The following IMMP2L variants were observed in gnomAD, a reference collection of about 807,000 sequenced individuals.
The protein encoded by IMMP2L is mitochondrial inner membrane protease subunit 2.
In IMMP2L, 18 loss-of-function variants were observed where a neutral mutation model predicts 19.3. That is an observed-to-expected ratio of 0.93 (90% CI 0.64 to 1.38). The LOEUF (loss-of-function observed/expected upper bound fraction) is 1.38, where lower values mean the gene tolerates loss of function less well. Ranked by LOEUF, IMMP2L falls within the 40% of genes most tolerant of loss-of-function variation. The pLI is 0.00. For synonymous variants in IMMP2L, 76 were observed against 73.0 expected, an observed-to-expected ratio of 1.04 and a Z score of -0.21; for missense variants, 233 against 218.2, an observed-to-expected ratio of 1.07 and a Z score of -0.43.
intron 5 of IMMP2L, among the ~76,000 whole-genome samples, chr7:110,814,008 G>A (rs1464233613): frequency 2.0e-5 from 3 of 151,776 alleles, no homozygotes; most frequent in African/African-American, 7.3e-5. Flanking sequence ...TTTTTTTAAC[G>A]CTTATGAGTA....
intron 5 of IMMP2L, among the ~76,000 whole-genome samples, chr7:110,778,919 G>T (rs1400163377): frequency 6.6e-6 from 1 of 151,852 alleles, no homozygotes; most frequent in African/African-American, 2.4e-5. Flanking sequence ...CAAGTCATCG[G>T]GTTAAAATGA....
In IMMP2L at chr7:110,939,134, GT is replaced by G. The variant is rs199947270; in HGVS notation, c.305+24365del. Among the ~76,000 whole-genome samples the G allele has an allele frequency of 9.7e-3, 1,476 of 152,134 alleles. 20 individuals are homozygous for G. Among genetic ancestry groups the G allele is most frequent in the African/African-American group, 0.033 (1,363 of 41,492 alleles). On this transcript the variant is annotated intron_variant, in intron 4 of 5. Transcript: ENST00000405709. ...TTTTCAACCATGGTTATATATGAGA[GT>G]TACCTGGAGAGTTTTTAGAATGCCT...
chr7:111,314,182 T>C (rs1167625635), intron 3 of IMMP2L, among the ~76,000 whole-genome samples: 8 of 152,130 alleles, frequency 5.3e-5, no homozygotes, highest in Non-Finnish European at 7.4e-5. Flanking sequence ...AATGTGAGAA[T>C]AGCCTAATAC....
At chr7:111,228,906 T>C (rs1210097119) in intron 3 of IMMP2L, among the ~76,000 whole-genome samples, 1 of 151,482 alleles carries the variant, frequency 6.6e-6, no homozygotes, top group Non-Finnish European at 1.5e-5. Context: ...CTTTCAAAAA[T>C]GACCAAGAAG....
At chr7:111,004,580 G>C (rs1177489629) in intron 3 of IMMP2L, among the ~76,000 whole-genome samples, 1 of 75,494 alleles carries the variant, frequency 1.3e-5, no homozygotes, top group Non-Finnish European at 3.0e-5. Flanking sequence ...TTGCAAAATA[G>C]ATCTTCTGAT....
At chr7:111,131,154 A>G (rs940312302) in intron 3 of IMMP2L, among the ~76,000 whole-genome samples, 1 of 152,032 alleles carries the variant, frequency 6.6e-6, no homozygotes, top group African/African-American at 2.4e-5. Flanking sequence ...AGTAGAAAAA[A>G]AAAGATTCAT....
chr7:110,671,809 G>C (rs1221486802), intron 5 of IMMP2L, among the ~76,000 whole-genome samples: 1 of 152,112 alleles, frequency 6.6e-6, no homozygotes, highest in Non-Finnish European at 1.5e-5. Flanking sequence ...AAAGAGCCTT[G>C]AGTTGGGATA....
intron 5 of IMMP2L, among the ~76,000 whole-genome samples, chr7:110,848,240 G>A (rs546488439): frequency 6.6e-6 from 1 of 152,248 alleles, no homozygotes; most frequent in Non-Finnish European, 1.5e-5. Context: ...CTTTAAGAAT[G>A]AGCAAAAAGT....
chr7:110,880,086 G>C (rs1462907746), intron 5 of IMMP2L, among the ~76,000 whole-genome samples: 1 of 152,116 alleles, frequency 6.6e-6, no homozygotes, highest in Non-Finnish European at 1.5e-5. Context: ...ACACATTATG[G>C]CTCTGATTCT....
At chr7:110,849,900 G>C (rs1184042323) in intron 5 of IMMP2L, among the ~76,000 whole-genome samples, 1 of 151,996 alleles carries the variant, frequency 6.6e-6, no homozygotes, top group Non-Finnish European at 1.5e-5. Context: ...AACAAAATTA[G>C]ATTATGCCAT....
intron 3 of IMMP2L, among the ~76,000 whole-genome samples, chr7:111,086,097 G>A (rs1796300730): frequency 1.3e-5 from 2 of 151,790 alleles, no homozygotes; most frequent in African/African-American, 4.8e-5. Flanking sequence ...TAACAAACCT[G>A]CACATATACC....
At chr7:111,167,461 A>G (rs1036788710) in intron 3 of IMMP2L, among the ~76,000 whole-genome samples, 2 of 151,966 alleles carry the variant, frequency 1.3e-5, no homozygotes, top group Admixed American at 1.3e-4. Flanking sequence ...ATTTTTCAGC[A>G]TACTTCAAGC....
chr7:111,401,158 G>C (rs1446006511), intron 3 of IMMP2L, among the ~76,000 whole-genome samples: 2 of 152,094 alleles, frequency 1.3e-5, no homozygotes, highest in Non-Finnish European at 1.5e-5. Context: ...TCAGCCTCTT[G>C]ATCTAAAATG....
At chr7:110,979,723 T>G (rs964086145) in intron 3 of IMMP2L, among the ~76,000 whole-genome samples, 1 of 150,948 alleles carries the variant, frequency 6.6e-6, no homozygotes, top group African/African-American at 2.4e-5. Flanking sequence ...AAAACCTCAA[T>G]AGTAAGAAAA....
chr7:111,107,405 G>A (rs1389744768), intron 3 of IMMP2L, among the ~76,000 whole-genome samples: 1 of 152,020 alleles, frequency 6.6e-6, no homozygotes, highest in East Asian at 1.9e-4. Flanking sequence ...GGGGAATATG[G>A]GCAGTTTCAA....
intron 4 of IMMP2L, among the ~76,000 whole-genome samples, chr7:110,889,902 G>A (rs908149752): frequency 6.6e-6 from 1 of 152,148 alleles, no homozygotes; most frequent in African/African-American, 2.4e-5. Flanking sequence ...CTTGATAAGT[G>A]GATTCTCTTG....
chr7:111,237,826 A>T (rs943059748), intron 3 of IMMP2L, among the ~76,000 whole-genome samples: 6 of 151,990 alleles, frequency 3.9e-5, no homozygotes, highest in African/African-American at 1.4e-4. Context: ...TCTAAAGTAA[A>T]ATAGCCTTCA....
chr7:111,346,389 C>T (rs756212528), intron 3 of IMMP2L, among the ~76,000 whole-genome samples: 3 of 152,094 alleles, frequency 2.0e-5, no homozygotes, highest in Non-Finnish European at 4.4e-5. Context: ...CACTACTGAG[C>T]ATCTGTTAGA....
chr7:110,966,573 T>C (rs1819570327), intron 3 of IMMP2L, among the ~76,000 whole-genome samples: 1 of 152,052 alleles, frequency 6.6e-6, no homozygotes, highest in African/African-American at 2.4e-5. Flanking sequence ...ATCTATATTT[T>C]AAGATCCTGA....
Sources: allele counts gnomAD v4.1 joint callset (sites outside exome capture counted in the v4.1 genomes callset), GRCh38; gene constraint gnomAD v4.1.1; transcripts MANE v1.5; gene names NCBI Gene and HGNC (gene_info 2026-07-23, HGNC 2026-07-21).